ERICH3: variants seen among roughly 807,000 people sequenced by gnomAD.
ERICH3 encodes the protein glutamate-rich protein 3.
ERICH3 carries 126 observed loss-of-function variants against 131.1 expected under a neutral mutation model. That is an observed-to-expected ratio of 0.96 (90% confidence interval 0.83 to 1.11). ERICH3 has a LOEUF of 1.11. Among genes scored for constraint, ERICH3 ranks in the 50% most tolerant of loss-of-function variants. The pLI, the probability that ERICH3 is intolerant of heterozygous loss-of-function variation, is 0.00. For synonymous variants in ERICH3, 695 were observed against 644.6 expected, an observed-to-expected ratio of 1.08 and a Z score of -1.18; for missense variants, 2,050 against 1,810.7, an observed-to-expected ratio of 1.13 and a Z score of -2.40.
At chr1:74,638,380 C>CTTAATATT (rs1646409850) in intron 5 of ERICH3, among the ~76,000 whole-genome samples, 1 of 152,116 alleles carries the variant, frequency 6.6e-6, no homozygotes, top group Non-Finnish European at 1.5e-5. Flanking sequence ...ATACCTGAGA[C>CTTAATATT]CAGAACTTAG....
intron 2 of ERICH3, 132 bp downstream of exon 2, chr1:74,649,090 C>T (rs778606340): frequency 2.8e-4 from 164 of 589,672 alleles, no homozygotes; most frequent in Non-Finnish European, 4.1e-4. Context: ...TAAATCAAAA[C>T]TTTGGAAAGA....
chr1:74,590,172 A>T (rs574510943), intron 11 of ERICH3, 92 bp from the exon 12 acceptor site: 2 of 1,113,258 alleles, frequency 1.8e-6, no homozygotes, highest in East Asian at 5.2e-5. Flanking sequence ...AATACTAAAA[A>T]TTTTAAAACA....
chr1:74,586,319 A>G, intron 12 of ERICH3: 1 of 817,658 alleles, frequency 1.2e-6, no homozygotes, highest in Non-Finnish European at 1.5e-6. Context: ...CATAAAAATA[A>G]CATATGTATA....
At chr1:74,573,819 C>G (rs958696783) in intron 13 of ERICH3, among the ~76,000 whole-genome samples, 2 of 152,162 alleles carry the variant, frequency 1.3e-5, no homozygotes, top group African/African-American at 4.8e-5. Flanking sequence ...GTCTTGGAAT[C>G]AGCAAAATCT....
intron 10 of ERICH3, among the ~76,000 whole-genome samples, chr1:74,602,170 C>T (rs1219833170): frequency 6.6e-6 from 1 of 151,866 alleles, no homozygotes; most frequent in African/African-American, 2.4e-5. Context: ...AGTGAAGGAA[C>T]ACGAAGTGAA....
At chr1:74,588,850 A>G (rs1222267941) in intron 12 of ERICH3, among the ~76,000 whole-genome samples, 1 of 152,122 alleles carries the variant, frequency 6.6e-6, no homozygotes, top group Non-Finnish European at 1.5e-5. Context: ...TACTGTTTCC[A>G]TGTCAAATGA....
chr1:74,579,129 T>A (rs558245578), intron 12 of ERICH3, among the ~76,000 whole-genome samples: 1 of 152,216 alleles, frequency 6.6e-6, no homozygotes, highest in East Asian at 1.9e-4. Context: ...AATACATGAG[T>A]TAAATATCAT....
In ERICH3 at chr1:74,673,066, C is replaced by T. The variant is rs570712184; in HGVS notation, c.23+431G>A. ...CATCTTTCAATACTGAATGAACTCACACCTCGCTTATATGTAAGCTAAGGT... is the reference window on the plus strand; with the variant it reads ...CATCTTTCAATACTGAATGAACTCATACCTCGCTTATATGTAAGCTAAGGT... On this transcript the variant is annotated intron_variant, in intron 1 of 14. Coordinates refer to ENST00000326665, the MANE Select transcript of ERICH3 (RefSeq NM_001002912.5). Among the ~76,000 whole-genome samples, 4 of 152,298 alleles carry T rather than the reference C, an allele frequency of 2.6e-5. No individual in the cohort carries two copies. In the East Asian group the frequency reaches 5.8e-4, roughly 22 times the overall value.
chr1:74,573,224 C>CT lies in ERICH3; in HGVS notation c.2485dup (p.Arg829LysfsTer25), dbSNP rs35151101. 2.5e-6 allele frequency: 4 copies of CT among 1,611,322 alleles called. No individual in the cohort carries two copies. Among genetic ancestry groups the CT allele is most frequent in the South Asian group, 1.1e-5 (1 of 90,688 alleles). ...CCTTTCTATGCCTGGAGGGATCTCC[C>CT]TTTTTTCTGTAAACTCTTCTGCCAA... On this transcript the variant is annotated frameshift_variant, in exon 14 of 15. Transcript: ENST00000326665. LOFTEE classifies it high-confidence loss of function.
chr1:74,581,644 T>TA (rs907221863), intron 12 of ERICH3, among the ~76,000 whole-genome samples: 5 of 152,174 alleles, frequency 3.3e-5, no homozygotes, highest in African/African-American at 7.2e-5. Context: ...TGTGCTGCTA[T>TA]AAAAAAGGCA....
At chr1:74,662,520 A>T (rs963665999) in intron 1 of ERICH3, among the ~76,000 whole-genome samples, 1 of 152,182 alleles carries the variant, frequency 6.6e-6, no homozygotes, top group Admixed American at 6.6e-5. Flanking sequence ...AATAAATCTG[A>T]AATTAATTTA....
intron 3 of ERICH3, among the ~76,000 whole-genome samples, chr1:74,644,357 C>T (rs1646464351): frequency 6.6e-6 from 1 of 152,108 alleles, no homozygotes; most frequent in South Asian, 2.1e-4. Context: ...TTCCCTACTG[C>T]TGAAACTACT....
intron 5 of ERICH3, among the ~76,000 whole-genome samples, chr1:74,637,906 G>A (rs571533487): frequency 5.9e-4 from 86 of 146,986 alleles, no homozygotes; most frequent in Admixed American, 5.7e-3. Flanking sequence ...GTGGGATGCT[G>A]TCTCAGAAAA....
chr1:74,638,484 C>T (rs1646410580), intron 5 of ERICH3, among the ~76,000 whole-genome samples: 1 of 152,090 alleles, frequency 6.6e-6, no homozygotes, highest in Non-Finnish European at 1.5e-5. Flanking sequence ...CAATGGTAAA[C>T]AAGAGAAGAA....
intron 11 of ERICH3, among the ~76,000 whole-genome samples, chr1:74,596,806 A>T (rs941732690): frequency 1.3e-5 from 2 of 152,088 alleles, no homozygotes; most frequent in African/African-American, 4.8e-5. Flanking sequence ...AGTCTCACAC[A>T]TCATTCCTAA....
chr1:74,578,408 C>T (rs553833026), intron 12 of ERICH3: 1 of 152,564 alleles, frequency 6.6e-6, no homozygotes, highest in African/African-American at 2.4e-5. Flanking sequence ...CTGACAATTC[C>T]CTTTCTACAT....
chr1:74,605,704 G>T (rs1248606138), intron 10 of ERICH3, among the ~76,000 whole-genome samples: 1 of 151,550 alleles, frequency 6.6e-6, no homozygotes, highest in Non-Finnish European at 1.5e-5. Flanking sequence ...TTTCTTACAT[G>T]GTACAGCTCA....
chr1:74,586,200 T>G (rs1647321356), intron 12 of ERICH3, among the ~76,000 whole-genome samples: 1 of 151,830 alleles, frequency 6.6e-6, no homozygotes, highest in Admixed American at 6.6e-5. Context: ...ACAGATAAGG[T>G]GAATAAGAAG....
chr1:74,650,924 A>G (rs1357836381), intron 1 of ERICH3, among the ~76,000 whole-genome samples: 1 of 151,952 alleles, frequency 6.6e-6, no homozygotes, highest in African/African-American at 2.4e-5. Flanking sequence ...AAAGAGGAAG[A>G]CAGACAGAGA....
Sources: gnomAD v4.1 joint callset for allele counts (sites outside exome capture counted in the v4.1 genomes callset) on GRCh38, gnomAD v4.1.1 for gene constraint, MANE v1.5 for transcripts, NCBI Gene and HGNC (gene_info 2026-07-23, HGNC 2026-07-21) for gene names.